Variants in ZNF549 observed in about 807,000 individuals in gnomAD.
ZNF549 encodes zinc finger protein 549.
Under a neutral mutation model 11.1 loss-of-function variants are expected in ZNF549, and 11 were observed. That is an observed-to-expected ratio of 0.99 (90% confidence interval 0.62 to 1.64). ZNF549 has a LOEUF of 1.64. Ranked by LOEUF, ZNF549 falls within the 40% of genes most tolerant of loss-of-function variation. The probability of loss-of-function intolerance (pLI) is 0.00; values close to 1 mark genes in which losing one functional copy is unlikely to be tolerated. For synonymous variants in ZNF549, 266 were observed against 269.1 expected (o/e 0.99, Z 0.11); for missense variants, 748 against 765.1 (o/e 0.98, Z 0.26).
rs2089943131 is a variant in ZNF549 at position 57,539,081 on chromosome 19, G to T, written c.*154G>T. ...GTCCAAGTACTTGGGAAGCTTTCTA[G>T]AGATTACTTGTACTTTCTAATCTGC... On this transcript the variant is annotated 3_prime_UTR_variant, in exon 4 of 4. Transcript: ENST00000376233. The T allele has an allele frequency of 1.2e-6, 1 of 818,692 alleles. No homozygotes were observed. The highest frequency in any genetic ancestry group is 1.9e-6 in the Non-Finnish European group (1 of 535,524). 50.7% of individuals were successfully genotyped at this position (818,692 alleles called of 1,614,324 possible).
At chr19:57,529,433 A>G (rs1271676850) in intron 1 of ZNF549, among the ~76,000 whole-genome samples, 1 of 152,252 alleles carries the variant, frequency 6.6e-6, no homozygotes, top group Non-Finnish European at 1.5e-5. Flanking sequence ...ATAAGTTAAT[A>G]AAAGTTAAGT....
rs1476036437 is a variant in ZNF549, at chr19:57,535,146, C to A, written c.75C>A (p.Gly25=). The A allele has an allele frequency of 6.2e-7, 1 of 1,613,746 alleles. No homozygotes were observed. The highest frequency in any genetic ancestry group is 2.2e-5 in the East Asian group (1 of 44,870). Residue 25 remains glycine, a splice_region_variant and synonymous_variant, in exon 3 of 4, where the codon GGC becomes GGA. Transcript: ENST00000376233. ...VTEEFVKPSQ[G]HVTFEDIAVY... ...TTTCATCTGCCCCCATCATGCAGGGCCATGTGACCTTTGAGGATATTGCTG... is the reference window on the plus strand; with the variant it reads ...TTTCATCTGCCCCCATCATGCAGGGACATGTGACCTTTGAGGATATTGCTG...
intron 1 of ZNF549, among the ~76,000 whole-genome samples, chr19:57,530,675 C>T (rs1242638208): frequency 6.6e-6 from 1 of 151,970 alleles, no homozygotes; most frequent in Non-Finnish European, 1.5e-5. Flanking sequence ...TTGTAGGACA[C>T]CTAGTTGGTA....
rs574498082 is a variant in ZNF549 at position 57,531,745 on chromosome 19, A to G, written c.72+637A>G. On this transcript the variant is annotated intron_variant, in intron 2 of 3. Transcript: ENST00000376233. ...TTAACAGGCAGGTAGTGTATTCATC[A>G]TGGATCTATTGGACAAACGGATGAT... Among the ~76,000 whole-genome samples, 12 of 152,322 alleles carry G rather than the reference A, an allele frequency of 7.9e-5. No individual in the cohort carries two copies. The South Asian group carries it at 1.0e-3, about 13-fold the overall frequency.
At chr19:57,530,777 C>T (rs906464492) in intron 1 of ZNF549, among the ~76,000 whole-genome samples, 28 of 151,976 alleles carry the variant, frequency 1.8e-4, no homozygotes, top group Admixed American at 1.3e-4. Context: ...ATACCACATT[C>T]ACATAAAGAC....
Position 57,527,610 on chromosome 19 carries a change from A to G in ZNF549, c.33+4A>G. The G allele has an allele frequency of 1.2e-6, 2 of 1,613,608 alleles. No individual in the cohort carries two copies. The highest frequency in any genetic ancestry group is 1.7e-6 in the Non-Finnish European group (2 of 1,179,880). On this transcript the variant is annotated splice_donor_region_variant and intron_variant, in intron 1 of 3. Coordinates refer to ENST00000376233, the MANE Select transcript of ZNF549 (RefSeq NM_001199295.2). ...AGCGCTAGTGATTACGCCGCAGGTG[A>G]GAGCGGAGTCCTCGGATCCTCACCT...
In ZNF549 at chr19:57,527,623, C is replaced by G. The variant is rs573855959; in HGVS notation, c.33+17C>G. The G allele has an allele frequency of 7.4e-6, 12 of 1,612,896 alleles. No individual in the cohort carries two copies. Among genetic ancestry groups the G allele is most frequent in the African/African-American group, 4.0e-5 (3 of 74,892 alleles). Reference sequence around the variant, plus strand: ...ACGCCGCAGGTGAGAGCGGAGTCCTCGGATCCTCACCTGGGTCCTGAGGCC... The same window carrying G: ...ACGCCGCAGGTGAGAGCGGAGTCCTGGGATCCTCACCTGGGTCCTGAGGCC... On this transcript the variant is annotated intron_variant, in intron 1 of 3. Transcript: ENST00000376233.
intron 2 of ZNF549, among the ~76,000 whole-genome samples, chr19:57,533,001 C>T (rs1345104257): frequency 1.3e-5 from 2 of 152,296 alleles, no homozygotes; most frequent in East Asian, 1.9e-4. Context: ...CCCGCCACCA[C>T]GCCCAACTAA....
chr19:57,537,141 T>G lies in ZNF549; in HGVS notation c.200-63T>G, dbSNP rs906398296. On this transcript the variant is annotated intron_variant, in intron 3 of 3. Transcript: ENST00000376233. Reference sequence around the variant, plus strand: ...CCTCCCTGTGTTCCACAGGTATTTGTAATGGAGCTGTTCCCTTCTACCAAA... The same window carrying G: ...CCTCCCTGTGTTCCACAGGTATTTGGAATGGAGCTGTTCCCTTCTACCAAA... The G allele has an allele frequency of 2.0e-6, 3 of 1,533,898 alleles. No homozygotes were observed. The African/African-American group carries it at 4.1e-5, about 21-fold the overall frequency.
intron 3 of ZNF549, 166 bp downstream of exon 3, chr19:57,535,436 C>A: frequency 1.0e-6 from 1 of 959,262 alleles, no homozygotes; most frequent in Non-Finnish European, 1.5e-6. Flanking sequence ...TGGGTTTTTT[C>A]TGCCCCAACA....
chr19:57,538,366 T>C lies in ZNF549; in HGVS notation c.1362T>C (p.Phe454=). The change falls in exon 4 of 4, where the codon TTT becomes TTC. Residue 454 remains phenylalanine (F), a synonymous_variant. Transcript: ENST00000376233. ...PYVCIICGKS[F]IRSSDYMRHQ... ...TGTGCATCATATGTGGGAAATCATTTATCCGCTCGTCTGACTACATGCGAC... is the reference window on the plus strand; with the variant it reads ...TGTGCATCATATGTGGGAAATCATTCATCCGCTCGTCTGACTACATGCGAC... 6.2e-7 allele frequency: 1 copy of C among 1,613,972 alleles called. No homozygotes were observed. The highest frequency in any genetic ancestry group is 1.7e-4 in the Middle Eastern group (1 of 6,060).
In ZNF549 at chr19:57,538,927, G is replaced by A. The variant is rs1303457945; in HGVS notation, c.1923G>A (p.Ter641=). 1.9e-6 allele frequency: 3 copies of A among 1,594,762 alleles called. No individual in the cohort carries two copies. The highest frequency in any genetic ancestry group is 2.2e-5 in the East Asian group (1 of 44,810). ...AGGTACATATAACAGAAGAGCCCTA[G>A]CAATTGTTGGGATGTGTAATTGTCT... ...HQKVHITEEP[*] Residue 641 remains the stop codon, a stop_retained_variant, in exon 4 of 4, where the codon TAG becomes TAA. Coordinates refer to ENST00000376233, the MANE Select transcript of ZNF549 (RefSeq NM_001199295.2).
Position 57,530,926 on chromosome 19 carries a change from C to T in ZNF549, c.34-144C>T, listed in dbSNP as rs925718201. 5.7e-6 allele frequency: 4 copies of T among 701,818 alleles called. No individual in the cohort carries two copies. The African/African-American group carries it at 7.1e-5, about 12-fold the overall frequency. 43.5% of individuals were successfully genotyped at this position (701,818 alleles called of 1,614,324 possible). A position where few individuals can be genotyped will look rare whatever the true frequency, so the allele number is the denominator to read the frequency against. The stretch of plus-strand genomic sequence containing the variant: ...CTACGATGGCACTACGAGATAGCCA[C>T]CATTAAGTGTTTCCATTTTACAGAT... On this transcript the variant is annotated intron_variant, in intron 1 of 3. Transcript: ENST00000376233.
At chr19:57,535,366 C>T (rs776166750) in intron 3 of ZNF549, 96 bp downstream of exon 3, 1 of 1,481,692 alleles carries the variant, frequency 6.7e-7, no homozygotes, top group Non-Finnish European at 9.1e-7. Context: ...TGGACATGGG[C>T]CCTTCTTCTT....
chr19:57,536,616 G>A (rs971193596), intron 3 of ZNF549, among the ~76,000 whole-genome samples: 2 of 152,160 alleles, frequency 1.3e-5, no homozygotes, highest in African/African-American at 4.8e-5. Flanking sequence ...ATCAGATGAC[G>A]TCCTATTGAA....
At chr19:57,537,147 A>T in intron 3 of ZNF549, 57 bp from the exon 4 acceptor site, 1 of 1,547,376 alleles carries the variant, frequency 6.5e-7, no homozygotes, top group African/African-American at 1.4e-5. Flanking sequence ...TTTGTAATGG[A>T]GCTGTTCCCT....
chr19:57,534,253 A>G lies in ZNF549; in HGVS notation c.73-891A>G, dbSNP rs534853106. ...CATGGGTGTGTGGGGGTAGGATGAA[A>G]CGGGTGTCCAGCTGTTGGCACAGTC... On this transcript the variant is annotated intron_variant, in intron 2 of 3. Transcript: ENST00000376233. Among the ~76,000 whole-genome samples, 4 of 152,252 alleles carry G rather than the reference A, an allele frequency of 2.6e-5. No individual in the cohort carries two copies. The East Asian group carries it at 5.8e-4, about 22-fold the overall frequency.
intron 1 of ZNF549, among the ~76,000 whole-genome samples, chr19:57,529,545 A>T (rs2089894448): frequency 6.6e-6 from 1 of 152,238 alleles, no homozygotes; most frequent in Non-Finnish European, 1.5e-5. Flanking sequence ...CCTTGTGATG[A>T]AGAAGGGACT....
chr19:57,528,347 C>T (rs1039659618), intron 1 of ZNF549, among the ~76,000 whole-genome samples: 3 of 152,082 alleles, frequency 2.0e-5, no homozygotes, highest in Non-Finnish European at 4.4e-5. Flanking sequence ...TTCTAAATTG[C>T]CACAGAGTGA....
Sources: allele counts gnomAD v4.1 joint callset (sites outside exome capture counted in the v4.1 genomes callset), GRCh38; gene constraint gnomAD v4.1.1; transcripts MANE v1.5; gene names NCBI Gene and HGNC (gene_info 2026-07-23, HGNC 2026-07-21).